SLC29A3: variants seen among roughly 807,000 people sequenced by gnomAD.
The protein encoded by SLC29A3 is equilibrative nucleoside transporter 3.
Under a neutral mutation model 25.4 loss-of-function variants are expected in SLC29A3, and 18 were observed. The ratio of observed to expected loss-of-function variants is 0.71; its 90% CI spans 0.49 to 1.05. SLC29A3 has a LOEUF of 1.05. Ranked by LOEUF, SLC29A3 falls within the 50% of genes least tolerant of loss-of-function variation. SLC29A3 has a pLI of 0.00. For synonymous variants in SLC29A3, 258 were observed against 267.1 expected (o/e 0.97, Z 0.33); for missense variants, 586 against 609.0 (o/e 0.96, Z 0.40).
At chr10:71,375,094 T>C (rs1847240428) in intron 3 of SLC29A3, among the ~76,000 whole-genome samples, 1 of 152,204 alleles carries the variant, frequency 6.6e-6, no homozygotes, top group Non-Finnish European at 1.5e-5. Flanking sequence ...GAGAGCTTTG[T>C]GAACTGCAAA....
At chr10:71,353,517 T>C (rs909288659) in intron 4 of SLC29A3, among the ~76,000 whole-genome samples, 2 of 152,194 alleles carry the variant, frequency 1.3e-5, no homozygotes, top group Non-Finnish European at 2.9e-5. Flanking sequence ...TGTGATCTTC[T>C]AGGGATGGGG....
At chr10:71,368,142 A>ATTGT (rs943810626), downstream of SLC29A3, among the ~76,000 whole-genome samples, 1 of 152,240 alleles carries the variant, frequency 6.6e-6, no homozygotes, top group Non-Finnish European at 1.5e-5. Context: ...AGGCAGGAGG[A>ATTGT]TTGTTTGAGC....
intron 2 of SLC29A3, among the ~76,000 whole-genome samples, chr10:71,343,632 A>G (rs962772237): frequency 6.6e-6 from 1 of 152,164 alleles, no homozygotes; most frequent in African/African-American, 2.4e-5. Flanking sequence ...CTTTGTGGCA[A>G]GAAAGCGAGA....
chr10:71,351,035 G>A (rs779438689), intron 3 of SLC29A3, among the ~76,000 whole-genome samples: 19 of 152,202 alleles, frequency 1.2e-4, no homozygotes, highest in Non-Finnish European at 2.4e-4. Flanking sequence ...TGAAGATGAC[G>A]ACGATGATTT....
intron 1 of SLC29A3, chr10:71,319,661 G>A (rs1471752196): frequency 7.1e-6 from 2 of 281,420 alleles, no homozygotes; most frequent in Non-Finnish European, 1.3e-5. Flanking sequence ...GGCTGGGGCT[G>A]TTTACACCGC....
intron 5 of SLC29A3, among the ~76,000 whole-genome samples, chr10:71,358,633 T>A (rs1295840051): frequency 6.6e-6 from 1 of 152,068 alleles, no homozygotes; most frequent in East Asian, 1.9e-4. Flanking sequence ...AACAGGAGGG[T>A]CGCCCCACTC....
intron 1 of SLC29A3, among the ~76,000 whole-genome samples, chr10:71,322,402 C>G (rs1845866252): frequency 6.6e-6 from 1 of 152,220 alleles, no homozygotes. Flanking sequence ...TGTGAATGCC[C>G]TTAGACCAGG....
chr10:71,355,898 G>A (rs1490349733), intron 4 of SLC29A3, among the ~76,000 whole-genome samples, 183 bp from the exon 5 acceptor site: 2 of 152,208 alleles, frequency 1.3e-5, no homozygotes, highest in East Asian at 3.8e-4. Context: ...CTCAGGAAAT[G>A]CTGGAAATGC....
At chr10:71,369,565 A>C (rs1345069841) in intron 3 of SLC29A3, among the ~76,000 whole-genome samples, 2 of 152,244 alleles carry the variant, frequency 1.3e-5, no homozygotes, top group Non-Finnish European at 2.9e-5. Context: ...GTGTAGCGTA[A>C]ACAAATGACT....
chr10:71,378,568 C>A (rs1847278645), intron 4 of SLC29A3, among the ~76,000 whole-genome samples: 1 of 152,182 alleles, frequency 6.6e-6, no homozygotes. Flanking sequence ...GGGTGTAGTC[C>A]CAAACCAGCA....
chr10:71,357,211 C>T (rs930193802), intron 5 of SLC29A3, among the ~76,000 whole-genome samples: 10 of 152,206 alleles, frequency 6.6e-5, no homozygotes, highest in East Asian at 1.9e-4. Context: ...GTCAGGAGAT[C>T]GAGACCATCC....
At chr10:71,327,614 T>C (rs1463608069) in intron 2 of SLC29A3, among the ~76,000 whole-genome samples, 3 of 152,114 alleles carry the variant, frequency 2.0e-5, no homozygotes, top group Non-Finnish European at 4.4e-5. Flanking sequence ...GGAAGGGCTA[T>C]AGGGAATTTC....
At chr10:71,341,544 T>C (rs1663418125) in intron 2 of SLC29A3, among the ~76,000 whole-genome samples, 1 of 152,182 alleles carries the variant, frequency 6.6e-6, no homozygotes, top group Non-Finnish European at 1.5e-5. Context: ...TTCAAGGAAC[T>C]GAATTTAAAT....
chr10:71,329,230 C>G (rs1193922659), intron 2 of SLC29A3, among the ~76,000 whole-genome samples: 1 of 152,174 alleles, frequency 6.6e-6, no homozygotes, highest in Non-Finnish European at 1.5e-5. Flanking sequence ...ATGCTTATAA[C>G]CAGCGTGTTC....
intron 3 of SLC29A3, among the ~76,000 whole-genome samples, chr10:71,345,951 TAG>T (rs1846566293): frequency 6.6e-6 from 1 of 152,194 alleles, no homozygotes; most frequent in Non-Finnish European, 1.5e-5. Flanking sequence ...CCAGATAGCC[TAG>T]AGAGAGCTCC....
chr10:71,325,814 C>T (rs1054629719), intron 2 of SLC29A3, among the ~76,000 whole-genome samples: 6 of 152,108 alleles, frequency 3.9e-5, no homozygotes, highest in Admixed American at 1.3e-4. Context: ...CTACCAAGCC[C>T]CTCGGGTGAC....
At chr10:71,332,812 T>C (rs1846151659) in intron 2 of SLC29A3, among the ~76,000 whole-genome samples, 1 of 152,248 alleles carries the variant, frequency 6.6e-6, no homozygotes, top group Non-Finnish European at 1.5e-5. Context: ...TTCTTCTGTT[T>C]TTAGCTCTTG....
chr10:71,376,677 T>C (rs1448531085), intron 4 of SLC29A3, among the ~76,000 whole-genome samples: 2 of 152,234 alleles, frequency 1.3e-5, no homozygotes, highest in East Asian at 3.8e-4. Context: ...AGCTTGAGGA[T>C]GGCCACCCAG....
intron 3 of SLC29A3, among the ~76,000 whole-genome samples, chr10:71,369,434 A>G (rs1027727551): frequency 1.5e-4 from 23 of 152,174 alleles, no homozygotes; most frequent in African/African-American, 4.3e-4. Context: ...GGCTTCTCCT[A>G]ATAACATGTG....
Sources: allele counts gnomAD v4.1 joint callset (sites outside exome capture counted in the v4.1 genomes callset), GRCh38; gene constraint gnomAD v4.1.1; transcripts MANE v1.5; gene names NCBI Gene and HGNC (gene_info 2026-07-23, HGNC 2026-07-21).